TOGARAM1: variants seen among roughly 807,000 people sequenced by gnomAD.
TOGARAM1 encodes TOG array regulator of axonemal microtubules protein 1.
TOGARAM1 carries 100 observed loss-of-function variants against 166.6 expected under a neutral mutation model. The observed-to-expected ratio is 0.60, with a 90% CI of 0.51 to 0.71. The LOEUF (loss-of-function observed/expected upper bound fraction) is 0.71, where lower values mean the gene tolerates loss of function less well. Among genes scored for constraint, TOGARAM1 ranks in the 30% least tolerant of loss-of-function variants. The probability of loss-of-function intolerance (pLI) is 0.00; values close to 1 mark genes in which losing one functional copy is unlikely to be tolerated. For synonymous variants in TOGARAM1, 758 were observed against 763.8 expected (o/e 0.99, Z 0.13); for missense variants, 2,029 against 2,102.7 (o/e 0.96, Z 0.69).
chr14:45,047,990 A>C (rs1469444982), intron 14 of TOGARAM1, among the ~76,000 whole-genome samples: 1 of 149,360 alleles, frequency 6.7e-6, no homozygotes, highest in African/African-American at 2.5e-5. Context: ...TGGGAGGCAG[A>C]GGTTGCAGTG....
chr14:45,052,347 T>G, intron 14 of TOGARAM1, 89 bp from the exon 15 acceptor site: 1 of 1,100,708 alleles, frequency 9.1e-7, no homozygotes. Flanking sequence ...GATAGGTGTT[T>G]TTTTTCTATT....
chr14:45,036,948 G>A lies in TOGARAM1; in HGVS notation c.3812+4572G>A, dbSNP rs148340701. Among the ~76,000 whole-genome samples, 368 of 152,274 alleles carry A rather than the reference G, an allele frequency of 2.4e-3. 9 individuals carry two copies. Among genetic ancestry groups the A allele is most frequent in the Non-Finnish European group, 3.0e-3 (206 of 68,014 alleles). On this transcript the variant is annotated intron_variant, in intron 11 of 19. Transcript: ENST00000361462. ...GGAGACAAAAGGCACTTCTTATATG[G>A]TGGCAGCAAGAGAAAATGAAGCAAA...
intron 14 of TOGARAM1, among the ~76,000 whole-genome samples, chr14:45,049,954 A>C (rs935028796): frequency 6.6e-6 from 1 of 152,200 alleles, no homozygotes; most frequent in Non-Finnish European, 1.5e-5. Flanking sequence ...TTAAAGTTAT[A>C]AAATTATAAA....
chr14:44,964,442 C>T lies in TOGARAM1; in HGVS notation c.2021C>T (p.Thr674Ile). Reference protein sequence around the residue: ...EQPGIMGENQTSTSKDIEQFS... With the variant: ...EQPGIMGENQISTSKDIEQFS... ...CCTGGAATCATGGGAGAAAACCAGA[C>T]CTCCACTTCCAAGGATATAGAGCAG... Residue 674 changes from threonine (T) to isoleucine (I), a missense_variant, in exon 1 of 20, where the codon ACC (threonine) becomes ATC (isoleucine). Thr to Ile is a moderately conservative substitution (Grantham distance 89). Around this residue, in one of 2 missense-constraint regions of TOGARAM1, gnomAD observed 1,453 missense variants for 1,432.2 expected, o/e 1.01. Transcript: ENST00000361462. 1 of 1,593,384 alleles carries T rather than the reference C, an allele frequency of 6.3e-7. No homozygotes were observed.
At chr14:44,999,644 T>C in intron 3 of TOGARAM1, 147 bp downstream of exon 3, 1 of 640,778 alleles carries the variant, frequency 1.6e-6, no homozygotes, top group Non-Finnish European at 2.4e-6. Context: ...TTTTTCATAA[T>C]TGTTACCCTA....
chr14:44,995,778 A>G lies in TOGARAM1; in HGVS notation c.2079A>G (p.Lys693=), dbSNP rs1018344825. 8 of 1,592,000 alleles carry G rather than the reference A, an allele frequency of 5.0e-6. No homozygotes were observed. Among genetic ancestry groups the G allele is most frequent in the African/African-American group, 1.4e-5 (1 of 73,972 alleles). ...CATATGATTTCATCCCATCTGCAAA[A>G]TTAAAGCTTTCTCAAGGAATGCCAG... ...FSTYDFIPSA[K]LKLSQGMPVN... The change falls in exon 2 of 20, where the codon AAA becomes AAG. Residue 693 remains lysine, a synonymous_variant. Transcript: ENST00000361462.
intron 1 of TOGARAM1, among the ~76,000 whole-genome samples, chr14:44,994,608 G>C (rs1023261535): frequency 1.3e-5 from 2 of 152,078 alleles, no homozygotes; most frequent in Non-Finnish European, 2.9e-5. Context: ...TTGTAGAGAT[G>C]GGATTTCACT....
chr14:45,051,840 G>A (rs572006690), intron 14 of TOGARAM1, among the ~76,000 whole-genome samples: 18 of 152,226 alleles, frequency 1.2e-4, no homozygotes, highest in African/African-American at 3.6e-4. Flanking sequence ...GATTACAGGC[G>A]TGAGCCACTG....
chr14:45,005,948 A>C, intron 4 of TOGARAM1, 60 bp from the exon 5 acceptor site: 1 of 1,429,372 alleles, frequency 7.0e-7, no homozygotes, highest in Non-Finnish European at 9.4e-7. Flanking sequence ...ACTTGTGACT[A>C]TAACTCCCTC....
chr14:44,984,842 C>A (rs1439730872), intron 1 of TOGARAM1, among the ~76,000 whole-genome samples: 4 of 151,834 alleles, frequency 2.6e-5, no homozygotes, highest in Non-Finnish European at 5.9e-5. Context: ...TATACCAGTT[C>A]CCTTAATAAT....
At chr14:45,051,004 G>A (rs1882337048) in intron 14 of TOGARAM1, among the ~76,000 whole-genome samples, 1 of 152,134 alleles carries the variant, frequency 6.6e-6, no homozygotes, top group South Asian at 2.1e-4. Context: ...CATTGAAGAT[G>A]AATAGTGTGG....
chr14:44,997,760 C>G (rs1052884713), intron 2 of TOGARAM1, among the ~76,000 whole-genome samples: 2 of 151,726 alleles, frequency 1.3e-5, no homozygotes, highest in Non-Finnish European at 2.9e-5. Context: ...CGAGATCACA[C>G]CACTACACTC....
chr14:45,010,065 G>A (rs1435478141), intron 6 of TOGARAM1, among the ~76,000 whole-genome samples: 1 of 152,028 alleles, frequency 6.6e-6, no homozygotes, highest in African/African-American at 2.4e-5. Flanking sequence ...ATTTAATCCT[G>A]AACCAGAAGT....
At chr14:44,976,429 C>A (rs960617695) in intron 1 of TOGARAM1, among the ~76,000 whole-genome samples, 2 of 152,162 alleles carry the variant, frequency 1.3e-5, no homozygotes, top group African/African-American at 4.8e-5. Context: ...TATCACAGTG[C>A]TTACTATTAC....
intron 18 of TOGARAM1, among the ~76,000 whole-genome samples, chr14:45,070,416 A>G (rs925656546): frequency 1.3e-5 from 2 of 152,192 alleles, no homozygotes; most frequent in African/African-American, 4.8e-5. Flanking sequence ...ATTGCTTGAT[A>G]TCTGAGTAGC....
chr14:44,964,161 G>A lies in TOGARAM1; in HGVS notation c.1740G>A (p.Arg580=), dbSNP rs748556420. Residue 580 remains arginine (R), a synonymous_variant, in exon 1 of 20, where the codon AGG becomes AGA. Transcript: ENST00000361462. ...QARLARKTLP[R]LTEQGFVEYA... is the part of the protein sequence containing the mutation. Reference sequence around the variant, plus strand: ...GATTGGCTAGGAAAACCTTACCAAGGCTCACAGAGCAGGGATTTGTGGAAT... The same window carrying A: ...GATTGGCTAGGAAAACCTTACCAAGACTCACAGAGCAGGGATTTGTGGAAT... The A allele has an allele frequency of 6.2e-7, 1 of 1,614,252 alleles. No homozygotes were observed. Among genetic ancestry groups the A allele is most frequent in the Non-Finnish European group, 8.5e-7 (1 of 1,180,050 alleles).
At chr14:45,035,940 C>T (rs1224487297) in intron 11 of TOGARAM1, among the ~76,000 whole-genome samples, 1 of 142,596 alleles carries the variant, frequency 7.0e-6, no homozygotes. Flanking sequence ...AGCAAGACCT[C>T]ATCTCTAGAA....
chr14:45,066,656 C>A lies in TOGARAM1; in HGVS notation c.4638C>A (p.Leu1546=). Residue 1546 remains leucine, a synonymous_variant, in exon 17 of 20, where the codon CTC becomes CTA. Transcript: ENST00000361462. The part of the protein sequence containing the change: ...NSLESAEYLK[L]ITGLLNAKDF... ...TAGAAAGTGCTGAGTACCTTAAACT[C>A]ATAACTGGCTTATTAAATGCAAAAG... 1 of 1,613,910 alleles carries A rather than the reference C, an allele frequency of 6.2e-7. No homozygotes were observed. The highest frequency in any genetic ancestry group is 8.5e-7 in the Non-Finnish European group (1 of 1,179,824).
chr14:44,992,897 G>A (rs1488364871), intron 1 of TOGARAM1, among the ~76,000 whole-genome samples: 3 of 151,332 alleles, frequency 2.0e-5, no homozygotes, highest in African/African-American at 4.8e-5. Context: ...GATTACAGGC[G>A]TGAGCCACCA....
Sources: allele counts gnomAD v4.1 joint callset (sites outside exome capture counted in the v4.1 genomes callset), GRCh38; gene constraint gnomAD v4.1.1; regional missense constraint gnomAD v4.1.1; transcripts MANE v1.5; gene names NCBI Gene and HGNC (gene_info 2026-07-23, HGNC 2026-07-21).